The following KANK1 variants were observed in gnomAD, a reference collection of about 807,000 sequenced individuals.
KANK1 encodes KN motif and ankyrin repeat domain-containing protein 1.
A neutral mutation model predicts 106.2 loss-of-function variants in KANK1; 109 were observed. The observed-to-expected ratio is 1.03, with a 90% CI of 0.88 to 1.20. The LOEUF (loss-of-function observed/expected upper bound fraction) is 1.20, where lower values mean the gene tolerates loss of function less well. KANK1 is among the 50% of genes most tolerant of loss of function. KANK1 has a pLI of 0.00. For missense variants in KANK1, 2,399 were observed against 1,710.7 expected, an observed-to-expected ratio of 1.40 and a Z score of -7.10; for synonymous variants, 873 against 652.2, an observed-to-expected ratio of 1.34 and a Z score of -5.16.
In KANK1 at chr9:712,684, T is replaced by C. The variant is rs765791210; in HGVS notation, c.1918T>C (p.Cys640Arg). 3.1e-6 allele frequency: 5 copies of C among 1,614,158 alleles called. No individual in the cohort carries two copies. The highest frequency in any genetic ancestry group is 4.2e-6 in the Non-Finnish European group (5 of 1,180,004). ...AGATTGTTCTGTTGACGTGACCGTC[T>C]GCTCTCCAAAGGAGTGCGCCTCCCG... ...CGDCSVDVTV[C>R]SPKECASRGV... The change falls in exon 3 of 12, where the codon TGC becomes CGC. Residue 640 changes from cysteine to arginine, a missense_variant. Cys to Arg is a radical substitution (Grantham distance 180). Transcript: ENST00000382297.
chr9:579,191 C>G (rs1007586150), intron 1 of KANK1, among the ~76,000 whole-genome samples: 9 of 152,126 alleles, frequency 5.9e-5, no homozygotes, highest in Non-Finnish European at 1.0e-4. Flanking sequence ...TCCACGTAGC[C>G]TTCCCCGACC....
intron 2 of KANK1, chr9:470,956 G>A (rs1587162040): frequency 6.6e-6 from 1 of 152,208 alleles, no homozygotes; most frequent in African/African-American, 2.4e-5. Flanking sequence ...AGCCACCTGG[G>A]TAGTCAAGAC....
At chr9:727,633 A>T (rs1338036555) in intron 3 of KANK1, among the ~76,000 whole-genome samples, 3 of 151,786 alleles carry the variant, frequency 2.0e-5, no homozygotes, top group African/African-American at 7.3e-5. Flanking sequence ...GGGAAAAATT[A>T]AAACTACCAT....
chr9:525,988 T>C (rs528157273), intron 1 of KANK1, among the ~76,000 whole-genome samples: 1 of 151,748 alleles, frequency 6.6e-6, no homozygotes, highest in Non-Finnish European at 1.5e-5. Context: ...ATTGACAAAT[T>C]AGTTGTTTCT....
chr9:546,089 G>C (rs892148571), intron 1 of KANK1, among the ~76,000 whole-genome samples: 3 of 152,112 alleles, frequency 2.0e-5, no homozygotes, highest in African/African-American at 7.2e-5. Context: ...GTGCCTTTCT[G>C]GATGGACACA....
At chr9:586,501 A>C (rs890265527) in intron 1 of KANK1, among the ~76,000 whole-genome samples, 3 of 152,150 alleles carry the variant, frequency 2.0e-5, no homozygotes, top group African/African-American at 4.8e-5. Context: ...AGTGGTGGTG[A>C]CTGTTAGTGG....
chr9:667,125 C>G (rs1327057106), intron 1 of KANK1, among the ~76,000 whole-genome samples: 2 of 151,356 alleles, frequency 1.3e-5, no homozygotes, highest in South Asian at 2.1e-4. Context: ...GATCTTATTA[C>G]TTGCTATTGG....
At chr9:537,689 A>C (rs2060375361) in intron 1 of KANK1, among the ~76,000 whole-genome samples, 1 of 151,938 alleles carries the variant, frequency 6.6e-6, no homozygotes, top group African/African-American at 2.4e-5. Flanking sequence ...TGGGAGATCG[A>C]TTTTTGCCCC....
At chr9:568,873 C>G (rs1212357123) in intron 1 of KANK1, among the ~76,000 whole-genome samples, 2 of 152,234 alleles carry the variant, frequency 1.3e-5, no homozygotes, top group African/African-American at 4.8e-5. Context: ...AAGATCATGA[C>G]CACTTAAAAA....
chr9:618,368 C>T (rs1019297668), intron 1 of KANK1, among the ~76,000 whole-genome samples: 1 of 152,006 alleles, frequency 6.6e-6, no homozygotes, highest in African/African-American at 2.4e-5. Flanking sequence ...CCACCACACC[C>T]AGTTAATTTT....
chr9:606,339 C>T (rs1325782914), intron 1 of KANK1, among the ~76,000 whole-genome samples: 1 of 138,730 alleles, frequency 7.2e-6, no homozygotes, highest in Non-Finnish European at 1.5e-5. Context: ...GGCAAATCAC[C>T]TGAGGTCAGG....
intron 10 of KANK1, among the ~76,000 whole-genome samples, chr9:743,743 T>G (rs942460738): frequency 3.9e-5 from 6 of 152,094 alleles, no homozygotes; most frequent in Non-Finnish European, 7.4e-5. Context: ...GCACCTGTAG[T>G]CTCAGATACC....
At chr9:481,137 T>C (rs1252475114) in intron 3 of KANK1, among the ~76,000 whole-genome samples, 2 of 152,246 alleles carry the variant, frequency 1.3e-5, no homozygotes, top group Admixed American at 1.3e-4. Context: ...TGTAATTTAT[T>C]GAATACTGGA....
At chr9:630,239 C>G (rs1426847653) in intron 1 of KANK1, among the ~76,000 whole-genome samples, 2 of 150,336 alleles carry the variant, frequency 1.3e-5, no homozygotes, top group Non-Finnish European at 3.0e-5. Context: ...CAGAGCGAGA[C>G]TCTGTCTTAA....
intron 1 of KANK1, among the ~76,000 whole-genome samples, chr9:658,056 G>C (rs527920104): frequency 6.6e-6 from 1 of 152,060 alleles, no homozygotes; most frequent in South Asian, 2.1e-4. Context: ...GCTTTAAACA[G>C]TGGAAAAAAT....
At chr9:743,245 A>AGGTCAGAT (rs766047382) in intron 10 of KANK1, among the ~76,000 whole-genome samples, 7 of 152,176 alleles carry the variant, frequency 4.6e-5, no homozygotes, top group Non-Finnish European at 1.0e-4. Context: ...TATCCTTTGT[A>AGGTCAGAT]GGTCAGATTC....
intron 1 of KANK1, among the ~76,000 whole-genome samples, chr9:612,081 C>G (rs916416804): frequency 6.6e-6 from 1 of 152,176 alleles, no homozygotes; most frequent in African/African-American, 2.4e-5. Context: ...ATAGGATTGG[C>G]TTTCATTTGC....
rs1030561361 is a variant in KANK1 at position 475,914 on chromosome 9, G to A, written c.-362+2641G>A. On this transcript the variant is annotated intron_variant, in intron 3 of 15. Coordinates refer to the KANK1 transcript ENST00000382303. ...GTTGCCCAGGCTGGAGTGTAGCGTC[G>A]CCATCTCAGCTCACTGCAACCTCTG... Among the ~76,000 whole-genome samples, 8 of 151,596 alleles carry A rather than the reference G, an allele frequency of 5.3e-5. No homozygotes were observed. The East Asian group carries it at 5.9e-4, about 11-fold the overall frequency.
At chr9:497,669 A>C (rs925112269) in intron 3 of KANK1, among the ~76,000 whole-genome samples, 1 of 152,156 alleles carries the variant, frequency 6.6e-6, no homozygotes, top group African/African-American at 2.4e-5. Flanking sequence ...CCTGGGAAAC[A>C]TGGCAAAACC....
Sources: gnomAD v4.1 joint callset for allele counts (sites outside exome capture counted in the v4.1 genomes callset) on GRCh38, gnomAD v4.1.1 for gene constraint, MANE v1.5 for transcripts, NCBI Gene and HGNC (gene_info 2026-07-23, HGNC 2026-07-21) for gene names.